Variants in THADA observed in about 807,000 individuals in gnomAD.
THADA encodes THADA armadillo repeat containing, also known as tRNA (32-2'-O)-methyltransferase regulator THADA.
In THADA, 213 loss-of-function variants were observed where a neutral mutation model predicts 219.8. The ratio of observed to expected loss-of-function variants is 0.97; its 90% CI spans 0.87 to 1.09. THADA has a LOEUF of 1.09. Among genes scored for constraint, THADA ranks in the 50% least tolerant of loss-of-function variants. The pLI, the probability that THADA is intolerant of heterozygous loss-of-function variation, is 0.00. For missense variants in THADA, 2,956 were observed against 2,311.3 expected, an observed-to-expected ratio of 1.28 and a Z score of -5.72; for synonymous variants, 1,018 against 828.9, an observed-to-expected ratio of 1.23 and a Z score of -3.92.
chr2:43,531,947 G>A (rs945284509), intron 21 of THADA, among the ~76,000 whole-genome samples: 8 of 150,712 alleles, frequency 5.3e-5, no homozygotes, highest in Admixed American at 5.3e-4. Flanking sequence ...AACCCAATAG[G>A]CAAACATCAC....
At chr2:43,403,997 A>T (rs976949732) in intron 28 of THADA, among the ~76,000 whole-genome samples, 1 of 152,242 alleles carries the variant, frequency 6.6e-6, no homozygotes, top group African/African-American at 2.4e-5. Context: ...GCTGGGTGAC[A>T]CACAGCAGGC....
chr2:43,467,342 C>G (rs897541576), intron 26 of THADA, among the ~76,000 whole-genome samples: 15 of 152,074 alleles, frequency 9.9e-5, no homozygotes, highest in Non-Finnish European at 2.9e-5. Flanking sequence ...AATGATGTAG[C>G]AAATAAATAA....
At chr2:43,395,601 T>C (rs993421202) in intron 29 of THADA, among the ~76,000 whole-genome samples, 1 of 152,228 alleles carries the variant, frequency 6.6e-6, no homozygotes, top group Non-Finnish European at 1.5e-5. Context: ...TTTCAAGTGA[T>C]GCCAAGAAAA....
intron 7 of THADA, among the ~76,000 whole-genome samples, chr2:43,583,693 G>A (rs189705657): frequency 5.3e-5 from 8 of 152,238 alleles, no homozygotes; most frequent in African/African-American, 1.9e-4. Flanking sequence ...TTAACATGTG[G>A]TCTAAACATA....
chr2:43,576,271 A>C (rs942615769), intron 10 of THADA, among the ~76,000 whole-genome samples: 3 of 152,354 alleles, frequency 2.0e-5, no homozygotes, highest in African/African-American at 7.2e-5. Flanking sequence ...TATGTTCAGT[A>C]TTATCAAGCT....
intron 29 of THADA, among the ~76,000 whole-genome samples, chr2:43,375,540 C>G (rs997212254): frequency 1.3e-5 from 2 of 152,300 alleles, no homozygotes; most frequent in African/African-American, 2.4e-5. Flanking sequence ...TGGATGACAT[C>G]TAAGATGAAT....
chr2:43,283,175 T>C (rs923410559), intron 35 of THADA, among the ~76,000 whole-genome samples: 2 of 152,200 alleles, frequency 1.3e-5, no homozygotes, highest in Admixed American at 1.3e-4. Flanking sequence ...TCTGCCATGA[T>C]TGTAAGTTTC....
intron 21 of THADA, among the ~76,000 whole-genome samples, chr2:43,534,512 T>C (rs1173627774): frequency 6.6e-6 from 1 of 152,094 alleles, no homozygotes; most frequent in African/African-American, 2.4e-5. Flanking sequence ...TGTAGTATCC[T>C]CTGCTCTAAT....
At chr2:43,498,030 GT>G (rs1326802650) in intron 25 of THADA, among the ~76,000 whole-genome samples, 1 of 152,096 alleles carries the variant, frequency 6.6e-6, no homozygotes, top group Non-Finnish European at 1.5e-5. Context: ...AAAAGAAAAT[GT>G]GGGATGTGTG....
In THADA at chr2:43,592,349, G is replaced by C. The variant is rs370411818; in HGVS notation, c.44C>G (p.Thr15Ser). The C allele has an allele frequency of 6.2e-7, 1 of 1,608,782 alleles. No homozygotes were observed. The highest frequency in any genetic ancestry group is 8.5e-7 in the Non-Finnish European group (1 of 1,177,618). ...KKKEMQVAALTICHQDLETLK... is the reference protein window; with the variant it reads ...KKKEMQVAALSICHQDLETLK... ...AGTTTCAAGGTCCTGATGGCAAATGGTCAGCGCAGCAACTTGCATTTCTTT... is the reference window on the plus strand; with the variant it reads ...AGTTTCAAGGTCCTGATGGCAAATGCTCAGCGCAGCAACTTGCATTTCTTT... The change falls in exon 2 of 38, where the codon ACC becomes AGC. Residue 15 changes from threonine to serine, a missense_variant. By Grantham distance (58) the Thr-to-Ser change is moderately conservative. Transcript: ENST00000405975.
intron 28 of THADA, among the ~76,000 whole-genome samples, chr2:43,400,325 A>G (rs1288603040): frequency 2.0e-5 from 3 of 151,998 alleles, no homozygotes; most frequent in Admixed American, 6.6e-5. Flanking sequence ...CTCTCCTCAA[A>G]AAAGTAATGC....
At chr2:43,344,260 A>G in intron 29 of THADA, 23 bp from the exon 30 acceptor site, 1 of 1,512,574 alleles carries the variant, frequency 6.6e-7, no homozygotes, top group Non-Finnish European at 9.0e-7. Flanking sequence ...AGAAAAAAAA[A>G]TCCTGCTGTG....
intron 21 of THADA, among the ~76,000 whole-genome samples, chr2:43,535,956 C>G (rs1241638869): frequency 6.6e-6 from 1 of 151,942 alleles, no homozygotes; most frequent in African/African-American, 2.4e-5. Flanking sequence ...AGGTGCACAC[C>G]ACACGCCCAG....
chr2:43,512,989 T>C (rs998043191), intron 22 of THADA, among the ~76,000 whole-genome samples: 34 of 152,174 alleles, frequency 2.2e-4, no homozygotes, highest in African/African-American at 7.2e-4. Context: ...AGAGGGAATA[T>C]ATCACAGTGG....
chr2:43,390,579 C>T (rs906124852), intron 29 of THADA, among the ~76,000 whole-genome samples: 1 of 152,182 alleles, frequency 6.6e-6, no homozygotes, highest in African/African-American at 2.4e-5. Context: ...GCCTACTCTA[C>T]TTGTTCCTTT....
intron 35 of THADA, among the ~76,000 whole-genome samples, chr2:43,283,351 T>G (rs923349694): frequency 5.9e-5 from 9 of 152,220 alleles, no homozygotes; most frequent in African/African-American, 2.2e-4. Context: ...TAAAGACATT[T>G]CCACCTGAAA....
At chr2:43,343,108 G>C (rs892172353) in intron 30 of THADA, 1 of 152,126 alleles carries the variant, frequency 6.6e-6, no homozygotes, top group Non-Finnish European at 1.5e-5. Context: ...GCTCACTAGA[G>C]CCTTAAACTC....
intron 26 of THADA, among the ~76,000 whole-genome samples, chr2:43,471,291 C>T (rs953825312): frequency 2.0e-5 from 3 of 152,184 alleles, no homozygotes; most frequent in Non-Finnish European, 2.9e-5. Flanking sequence ...TTTGGGAGAC[C>T]GAGGCAGGAG....
rs531084854 is a variant in THADA at position 43,528,281 on chromosome 2, C to T, written c.3265-293G>A. ...AAGTAGCTGGGATTACAGGCACCTG[C>T]CACCACGCCTGGCTAATTTTTGTAT... On this transcript the variant is annotated intron_variant, in intron 21 of 37. Transcript: ENST00000405975. 2.6e-5 allele frequency among the ~76,000 whole-genome samples: 4 copies of T among 152,088 alleles called. No homozygotes were observed. The East Asian group carries it at 7.8e-4, about 29-fold the overall frequency.
Sources: allele counts gnomAD v4.1 joint callset (sites outside exome capture counted in the v4.1 genomes callset), GRCh38; gene constraint gnomAD v4.1.1; transcripts MANE v1.5; gene names NCBI Gene and HGNC (gene_info 2026-07-23, HGNC 2026-07-21).